The following TENM2 variants were observed in gnomAD, a reference collection of about 807,000 sequenced individuals.
TENM2 encodes teneurin-2.
TENM2 carries 52 observed loss-of-function variants against 245.2 expected under a neutral mutation model. That is an observed-to-expected ratio of 0.21 (90% confidence interval 0.17 to 0.27). The LOEUF is 0.27. TENM2 is among the 10% of genes least tolerant of loss of function. The pLI is 1.00. For synonymous variants in TENM2, 1,363 were observed against 1,438.9 expected (o/e 0.95, Z 1.19); for missense variants, 3,046 against 3,666.8 (o/e 0.83, Z 4.37).
intron 2 of TENM2, among the ~76,000 whole-genome samples, chr5:167,732,005 G>A (rs777220327): frequency 1.3e-5 from 2 of 151,960 alleles, no homozygotes; most frequent in East Asian, 3.9e-4. Flanking sequence ...ATATAATTGC[G>A]GGCTTTAATC....
intron 2 of TENM2, among the ~76,000 whole-genome samples, chr5:167,486,149 T>C (rs772844276): frequency 2.0e-5 from 3 of 152,170 alleles, no homozygotes; most frequent in Non-Finnish European, 4.4e-5. Context: ...AAAATAAAAG[T>C]AAAGATTTTA....
At chr5:167,903,889 G>C (rs1412286784) in intron 3 of TENM2, among the ~76,000 whole-genome samples, 1 of 152,202 alleles carries the variant, frequency 6.6e-6, no homozygotes, top group Non-Finnish European at 1.5e-5. Context: ...GAAGTTATTG[G>C]TGGATTTAAA....
chr5:167,151,829 T>TA, the TENM2 span, among the ~76,000 whole-genome samples: 2 of 152,196 alleles, frequency 1.3e-5, no homozygotes, highest in Non-Finnish European at 2.9e-5. Flanking sequence ...CTTTTCTTCT[T>TA]AAAAATGTAC....
intron 10 of TENM2, among the ~76,000 whole-genome samples, chr5:168,123,233 A>C (rs1345351491): frequency 6.6e-6 from 1 of 152,126 alleles, no homozygotes; most frequent in Non-Finnish European, 1.5e-5. Context: ...CAGGTGTTCG[A>C]GACTACAATG....
intron 2 of TENM2, among the ~76,000 whole-genome samples, chr5:167,590,257 A>T (rs1248904726): frequency 6.6e-6 from 1 of 152,044 alleles, no homozygotes; most frequent in Non-Finnish European, 1.5e-5. Flanking sequence ...TCAAATCTTG[A>T]TGTAGTAAGG....
the TENM2 span, among the ~76,000 whole-genome samples, chr5:167,196,894 C>A: frequency 6.6e-6 from 1 of 151,796 alleles, no homozygotes; most frequent in African/African-American, 2.4e-5. Context: ...GGGGTGGGGG[C>A]ATTTCCTGGA....
At chr5:167,742,785 A>C (rs1761273113) in intron 2 of TENM2, among the ~76,000 whole-genome samples, 1 of 138,924 alleles carries the variant, frequency 7.2e-6, no homozygotes, top group African/African-American at 2.7e-5. Flanking sequence ...CATCTCTACC[A>C]AAAAAAAAAA....
rs372641937 is a variant in TENM2 at position 168,158,655 on chromosome 5, T to C, written c.2423-3956T>C. The stretch of plus-strand genomic sequence containing the variant: ...TAGCACCCTCCTCAAATTGTGACAA[T>C]CAAAAATGTCTCCAGACTGGGCACG... On this transcript the variant is annotated intron_variant, in intron 12 of 28. Transcript: ENST00000518659. 1.3e-4 allele frequency among the ~76,000 whole-genome samples: 20 copies of C among 150,644 alleles called. 1 individual carries two copies. Among genetic ancestry groups the C allele is most frequent in the East Asian group, 7.9e-4 (4 of 5,048 alleles).
At chr5:167,415,284 T>G (rs1400022600) in intron 2 of TENM2, among the ~76,000 whole-genome samples, 1 of 148,762 alleles carries the variant, frequency 6.7e-6, no homozygotes, top group Non-Finnish European at 1.5e-5. Context: ...GAAAAAAAAC[T>G]ACTACAGCTT....
At chr5:167,567,451 G>A (rs1773976309) in intron 2 of TENM2, among the ~76,000 whole-genome samples, 1 of 152,124 alleles carries the variant, frequency 6.6e-6, no homozygotes, top group South Asian at 2.1e-4. Flanking sequence ...GAGAGAGATT[G>A]TATAATTGGG....
intron 2 of TENM2, among the ~76,000 whole-genome samples, chr5:167,760,115 A>G (rs1174223213): frequency 6.6e-6 from 1 of 152,164 alleles, no homozygotes; most frequent in African/African-American, 2.4e-5. Flanking sequence ...TTTAAGTGGA[A>G]TGCTATGCCC....
the TENM2 span, among the ~76,000 whole-genome samples, chr5:167,223,824 T>C: frequency 1.0e-5 from 1 of 95,728 alleles, no homozygotes; most frequent in Non-Finnish European, 2.0e-5. Context: ...ATATGTTCCC[T>C]TTTCCCCACA....
intron 5 of TENM2, among the ~76,000 whole-genome samples, chr5:167,996,848 C>T (rs753539579): frequency 4.6e-5 from 7 of 152,068 alleles, no homozygotes; most frequent in Non-Finnish European, 8.8e-5. Flanking sequence ...AAGTGATTCT[C>T]GTGCCTCAGC....
chr5:167,768,398 T>TA (rs1379960385), intron 2 of TENM2, among the ~76,000 whole-genome samples: 1 of 152,174 alleles, frequency 6.6e-6, no homozygotes, highest in African/African-American at 2.4e-5. Context: ...CCTTGGAATT[T>TA]AAAAAAATAA....
At chr5:167,263,553 G>A in the TENM2 span, among the ~76,000 whole-genome samples, 2 of 151,890 alleles carry the variant, frequency 1.3e-5, no homozygotes, top group South Asian at 2.1e-4. Flanking sequence ...TCTCCACTCT[G>A]GCAATTCCCC....
At chr5:167,609,110 A>G (rs1777265247) in intron 2 of TENM2, among the ~76,000 whole-genome samples, 1 of 152,026 alleles carries the variant, frequency 6.6e-6, no homozygotes, top group Non-Finnish European at 1.5e-5. Flanking sequence ...TGCTATCATC[A>G]CTTCCTTTAG....
chr5:167,951,048 A>G (rs1780055814), intron 3 of TENM2, among the ~76,000 whole-genome samples: 1 of 151,996 alleles, frequency 6.6e-6, no homozygotes, highest in Non-Finnish European at 1.5e-5. Flanking sequence ...TTTCCTCCAC[A>G]TTTTTCCTTC....
intron 3 of TENM2, among the ~76,000 whole-genome samples, chr5:167,921,830 A>G (rs1245049888): frequency 1.3e-5 from 2 of 152,208 alleles, no homozygotes; most frequent in Non-Finnish European, 2.9e-5. Context: ...TGAAATCTTC[A>G]TGAAGACAGC....
At chr5:168,029,214 G>A (rs936738017) in intron 5 of TENM2, among the ~76,000 whole-genome samples, 2 of 152,124 alleles carry the variant, frequency 1.3e-5, no homozygotes, top group Admixed American at 1.3e-4. Context: ...CACTTCCCAA[G>A]GGCTTTACTG....
Sources: allele counts gnomAD v4.1 joint callset (sites outside exome capture counted in the v4.1 genomes callset), GRCh38; gene constraint gnomAD v4.1.1; transcripts MANE v1.5; gene names NCBI Gene and HGNC (gene_info 2026-07-23, HGNC 2026-07-21).